The following EPM2A variants were observed in gnomAD, a reference collection of about 807,000 sequenced individuals.
The protein encoded by EPM2A is laforin.
In EPM2A, 21 loss-of-function variants were observed where a neutral mutation model predicts 26.5. The ratio of observed to expected loss-of-function variants is 0.79; its 90% confidence interval spans 0.56 to 1.14. The LOEUF (loss-of-function observed/expected upper bound fraction) is 1.14, where lower values mean the gene tolerates loss of function less well. Ranked by LOEUF, EPM2A falls within the 50% of genes most tolerant of loss-of-function variation. The pLI, the probability that EPM2A is intolerant of heterozygous loss-of-function variation, is 0.00. For synonymous variants in EPM2A, 217 were observed against 177.6 expected (o/e 1.22, Z -1.76); for missense variants, 458 against 440.8 (o/e 1.04, Z -0.35).
chr6:145,627,333 G>C lies in EPM2A; in HGVS notation c.*83C>G. On this transcript the variant is annotated 3_prime_UTR_variant, in exon 4 of 4. Coordinates refer to ENST00000367519, the MANE Select transcript of EPM2A (RefSeq NM_005670.4). The stretch of plus-strand genomic sequence containing the variant: ...TCACACAGTCCTTTCAGTTCAGGTA[G>C]AATCCTTGTTTCTAGGTCATTTGAC... 6.2e-7 allele frequency: 1 copy of C among 1,604,864 alleles called. No individual in the cohort carries two copies. Among genetic ancestry groups the C allele is most frequent in the South Asian group, 1.1e-5 (1 of 90,374 alleles).
intron 2 of EPM2A, among the ~76,000 whole-genome samples, chr6:145,655,943 T>C (rs964255370): frequency 5.9e-5 from 9 of 152,214 alleles, no homozygotes; most frequent in African/African-American, 2.2e-4. Context: ...TTACTTCTAT[T>C]ACTGGATATC....
intron 2 of EPM2A, among the ~76,000 whole-genome samples, chr6:145,594,543 A>C (rs1781315727): frequency 6.7e-6 from 1 of 149,258 alleles, no homozygotes. Context: ...AGACATTAAA[A>C]AAATATATAC....
intron 2 of EPM2A, among the ~76,000 whole-genome samples, chr6:145,589,645 C>A (rs2128547507): frequency 6.6e-6 from 1 of 151,868 alleles, no homozygotes; most frequent in South Asian, 2.1e-4. Context: ...TAATGTTAAG[C>A]CAAAAGAGGA....
chr6:145,384,712 T>C (rs986446128), intron 4 of EPM2A, among the ~76,000 whole-genome samples: 4 of 147,462 alleles, frequency 2.7e-5, no homozygotes, highest in Non-Finnish European at 4.5e-5. Flanking sequence ...TCCTGAAACA[T>C]GCATCCTGAA....
intron 1 of EPM2A, among the ~76,000 whole-genome samples, chr6:145,691,998 T>G (rs1781309252): frequency 6.6e-6 from 1 of 151,976 alleles, no homozygotes; most frequent in South Asian, 2.1e-4. Flanking sequence ...TCACTTCAAA[T>G]TATATACACA....
intron 4 of EPM2A, among the ~76,000 whole-genome samples, chr6:145,433,223 A>C (rs950491928): frequency 1.1e-4 from 17 of 152,188 alleles, no homozygotes; most frequent in African/African-American, 4.1e-4. Context: ...AACTTGGCTA[A>C]CAGCTTGGTA....
intron 3 of EPM2A, among the ~76,000 whole-genome samples, chr6:145,501,999 C>A (rs1358193045): frequency 6.6e-6 from 1 of 152,138 alleles, no homozygotes; most frequent in Non-Finnish European, 1.5e-5. Flanking sequence ...GAATTGAACC[C>A]TAAACAGCTA....
At chr6:145,407,042 G>A (rs1436315033) in intron 4 of EPM2A, among the ~76,000 whole-genome samples, 1 of 152,030 alleles carries the variant, frequency 6.6e-6, no homozygotes, top group Admixed American at 6.6e-5. Flanking sequence ...GTGCCTCGTG[G>A]TAATGCAAAG....
chr6:145,689,595 A>G (rs1329525513), intron 1 of EPM2A, among the ~76,000 whole-genome samples: 2 of 152,220 alleles, frequency 1.3e-5, no homozygotes, highest in Non-Finnish European at 1.5e-5. Context: ...AAAACATGAC[A>G]AAAGTCCATT....
chr6:145,623,734 G>A (rs1775686017), downstream of EPM2A, among the ~76,000 whole-genome samples: 1 of 152,144 alleles, frequency 6.6e-6, no homozygotes, highest in Non-Finnish European at 1.5e-5. Flanking sequence ...TGGGAGGGAA[G>A]GCCAGAAACA....
At chr6:145,712,692 G>A (rs1239466389) in intron 1 of EPM2A, among the ~76,000 whole-genome samples, 1 of 152,142 alleles carries the variant, frequency 6.6e-6, no homozygotes, top group Non-Finnish European at 1.5e-5. Flanking sequence ...ACTAGCCAAA[G>A]CTTTAGCAGA....
rs965604412 is a variant in EPM2A, at chr6:145,473,479, T to C, written c.555+29043A>G. 5.9e-5 allele frequency among the ~76,000 whole-genome samples: 9 copies of C among 151,978 alleles called. 1 individual carries two copies. The South Asian group carries it at 8.3e-4, about 14-fold the overall frequency. On this transcript the variant is annotated intron_variant, in intron 4 of 4. Coordinates refer to the EPM2A transcript ENST00000638717. ...TATATAGAGGGGACAGAGAAAAAGA[T>C]AGAGGTAGAAAGTTTACTCAAAGGG...
intron 2 of EPM2A, among the ~76,000 whole-genome samples, chr6:145,511,345 A>G (rs1780052576): frequency 6.6e-6 from 1 of 152,232 alleles, no homozygotes; most frequent in Admixed American, 6.5e-5. Context: ...ACATAGGCAC[A>G]AAAATCCTCA....
intron 4 of EPM2A, among the ~76,000 whole-genome samples, chr6:145,489,099 C>T (rs9497324): frequency 0.07 from 10,596 of 152,164 alleles, 574 homozygotes; most frequent in East Asian, 0.17. Context: ...CTCTCTGTTG[C>T]AGAGATGGCA....
intron 1 of EPM2A, among the ~76,000 whole-genome samples, chr6:145,703,119 G>T (rs1782019539): frequency 7.2e-6 from 1 of 139,218 alleles, no homozygotes; most frequent in Non-Finnish European, 1.5e-5. Flanking sequence ...TCGAGACGGA[G>T]TCTCGCTCTG....
intron 2 of EPM2A, among the ~76,000 whole-genome samples, chr6:145,615,936 T>G (rs527451332): frequency 6.6e-6 from 1 of 152,252 alleles, no homozygotes; most frequent in African/African-American, 2.4e-5. Flanking sequence ...AAACAAAGCA[T>G]AAAAGTTTGG....
intron 1 of EPM2A, among the ~76,000 whole-genome samples, chr6:145,733,979 C>G (rs1039243823): frequency 6.6e-6 from 1 of 152,156 alleles, no homozygotes; most frequent in African/African-American, 2.4e-5. Flanking sequence ...TGTCTCAATT[C>G]AGACACTGTT....
intron 4 of EPM2A, among the ~76,000 whole-genome samples, chr6:145,474,956 A>G (rs1582784173): frequency 6.6e-6 from 1 of 152,222 alleles, no homozygotes; most frequent in African/African-American, 2.4e-5. Flanking sequence ...AATCATTAAA[A>G]AGTCAGGAAA....
In EPM2A at chr6:145,686,235, C is replaced by A. The variant is rs546283760; in HGVS notation, c.363G>T (p.Val121=). The change falls in exon 2 of 4, where the codon GTG becomes GTT. Residue 121 remains valine (V), a synonymous_variant. Coordinates refer to ENST00000367519, the MANE Select transcript of EPM2A (RefSeq NM_005670.4). ...TCCAGTGTCCTATTGGGAGACAATA[C>A]ACACCATCCACCAAGTTGTTTTCAT... ...TYNENNLVDG[V]YCLPIGHWIE... The A allele has an allele frequency of 6.2e-7, 1 of 1,613,770 alleles. No homozygotes were observed. Among genetic ancestry groups the A allele is most frequent in the Non-Finnish European group, 8.5e-7 (1 of 1,179,724 alleles).
Sources: allele counts gnomAD v4.1 joint callset (sites outside exome capture counted in the v4.1 genomes callset), GRCh38; gene constraint gnomAD v4.1.1; transcripts MANE v1.5; gene names NCBI Gene and HGNC (gene_info 2026-07-23, HGNC 2026-07-21).